Variants in OBI1 observed in about 807,000 individuals in gnomAD.
OBI1 encodes the protein ring finger protein 219.
In OBI1, 59 loss-of-function variants were observed where a neutral mutation model predicts 62.4. The observed-to-expected ratio is 0.95, with a 90% CI of 0.77 to 1.17. OBI1 has a LOEUF of 1.17. Ranked by LOEUF, OBI1 falls within the 50% of genes most tolerant of loss-of-function variation. The pLI is 0.00. For missense variants in OBI1, 875 were observed against 830.9 expected, an observed-to-expected ratio of 1.05 and a Z score of -0.65; for synonymous variants, 302 against 292.8, an observed-to-expected ratio of 1.03 and a Z score of -0.32.
At chr13:78,655,348 A>C (rs796381075) in intron 1 of OBI1, among the ~76,000 whole-genome samples, 13 of 152,308 alleles carry the variant, frequency 8.5e-5, no homozygotes, top group African/African-American at 2.4e-4. Flanking sequence ...AACAAACAAA[A>C]AAAAAACAGG....
intron 3 of OBI1, among the ~76,000 whole-genome samples, chr13:78,640,230 C>T (rs1458682568): frequency 6.6e-6 from 1 of 151,718 alleles, no homozygotes; most frequent in African/African-American, 2.4e-5. Context: ...ACCTCATCCC[C>T]ACATCTACAG....
At chr13:78,645,947 G>A (rs1020410332) in intron 1 of OBI1, among the ~76,000 whole-genome samples, 8 of 152,168 alleles carry the variant, frequency 5.3e-5, no homozygotes, top group African/African-American at 1.7e-4. Flanking sequence ...ACCGCGCCTG[G>A]CCTGTAGTCA....
chr13:78,639,179 G>A (rs1415493164), intron 3 of OBI1, 108 bp from the exon 4 acceptor site: 1 of 1,106,188 alleles, frequency 9.0e-7, no homozygotes, highest in Non-Finnish European at 1.3e-6. Flanking sequence ...AAATTCTGTA[G>A]ATACATAGAT....
chr13:78,624,296 A>C (rs142585806), intron 5 of OBI1, among the ~76,000 whole-genome samples: 10 of 152,320 alleles, frequency 6.6e-5, no homozygotes, highest in African/African-American at 2.4e-4. Context: ...TTAAAGACAA[A>C]GTTGATAAAG....
intron 5 of OBI1, among the ~76,000 whole-genome samples, chr13:78,622,849 G>A (rs993577339): frequency 2.0e-5 from 3 of 152,116 alleles, no homozygotes; most frequent in African/African-American, 4.8e-5. Context: ...GGGTGGGTGG[G>A]GCACAATTTA....
Position 78,615,904 on chromosome 13 carries a change from G to A in OBI1, c.1857C>T (p.Asp619=). The part of the protein sequence containing the change: ...PTSFFLLSPS[D]QEMNEDFSLH... ...GTGAAAAATCTTCATTCATTTCTTG[G>A]TCAGATGGAGAGAGGAGAAAAAAAG... is the stretch of plus-strand genomic sequence containing the variant. Residue 619 remains aspartate, a synonymous_variant, in exon 6 of 6, where the codon GAC becomes GAT. Transcript: ENST00000282003. 1.9e-6 allele frequency: 3 copies of A among 1,614,026 alleles called. No individual in the cohort carries two copies. Among genetic ancestry groups the A allele is most frequent in the Non-Finnish European group, 2.5e-6 (3 of 1,179,992 alleles).
At chr13:78,641,741 G>C (rs967067820) in intron 3 of OBI1, among the ~76,000 whole-genome samples, 3 of 151,586 alleles carry the variant, frequency 2.0e-5, no homozygotes, top group Non-Finnish European at 1.5e-5. Context: ...GCAGAGGTCA[G>C]ACTGGCTTTC....
chr13:78,641,958 C>T (rs937604419), intron 3 of OBI1, among the ~76,000 whole-genome samples, 164 bp downstream of exon 3: 3 of 142,090 alleles, frequency 2.1e-5, no homozygotes, highest in Non-Finnish European at 4.7e-5. Context: ...ATTTAAAATA[C>T]GAAAGGAAAA....
In OBI1 at chr13:78,644,926, A is replaced by G; in HGVS notation, c.144T>C (p.Asn48=). 6.2e-7 allele frequency: 1 copy of G among 1,613,992 alleles called. No individual in the cohort carries two copies. The change falls in exon 2 of 6, where the codon AAT becomes AAC. Residue 48 remains asparagine (N), a synonymous_variant. Transcript: ENST00000282003. ...CSICIDLWLK[N]NSQCPACRVP... is the part of the protein sequence containing the mutation. Reference sequence around the variant, plus strand: ...CTCTGCAAGCTGGACACTGGCTATTATTCTTCAACCACAAATCAATACAAA... The same window carrying G: ...CTCTGCAAGCTGGACACTGGCTATTGTTCTTCAACCACAAATCAATACAAA...
At chr13:78,640,978 T>C (rs1030563471) in intron 3 of OBI1, among the ~76,000 whole-genome samples, 3 of 128,132 alleles carry the variant, frequency 2.3e-5, no homozygotes, top group Admixed American at 2.2e-4. Flanking sequence ...CTGTGACTAT[T>C]GCAAGTATTA....
At chr13:78,643,081 T>C (rs2038880) in intron 2 of OBI1, among the ~76,000 whole-genome samples, 146,161 of 152,140 alleles carry the variant, frequency 0.96, 70,434 homozygotes, top group East Asian at 1. Flanking sequence ...CTTTGTATTT[T>C]TTAGCATTAT....
rs544102494 is a variant in OBI1 at position 78,649,617 on chromosome 13, G to A, written c.73-4620C>T. 7.2e-5 allele frequency among the ~76,000 whole-genome samples: 11 copies of A among 152,286 alleles called. No individual in the cohort carries two copies. In the South Asian group the frequency reaches 1.9e-3, roughly 26 times the overall value. On this transcript the variant is annotated intron_variant, in intron 1 of 5. Transcript: ENST00000282003. ...AAAGGAGAGAGCATAAAAATGAGAC[G>A]ACGGTTAGGAATACCAATGGGAATG...
chr13:78,639,133 T>A, intron 3 of OBI1, 62 bp from the exon 4 acceptor site: 1 of 1,496,420 alleles, frequency 6.7e-7, no homozygotes. Flanking sequence ...ATACATATGC[T>A]AAACTGAAGC....
intron 3 of OBI1, among the ~76,000 whole-genome samples, chr13:78,639,555 C>A (rs7324803): frequency 1.3e-5 from 2 of 148,916 alleles, no homozygotes; most frequent in Non-Finnish European, 3.0e-5. Flanking sequence ...ATGTTTATTG[C>A]GGCATTATTC....
At chr13:78,658,256 T>G (rs191982312) in intron 1 of OBI1, among the ~76,000 whole-genome samples, 1 of 152,314 alleles carries the variant, frequency 6.6e-6, no homozygotes, top group East Asian at 1.9e-4. Context: ...TCTTTATCTA[T>G]TCGGTAAAGA....
Position 78,616,796 on chromosome 13 carries a change from T to C in OBI1, c.965A>G (p.Asp322Gly). 1 of 1,614,200 alleles carries C rather than the reference T, an allele frequency of 6.2e-7. No homozygotes were observed. The highest frequency in any genetic ancestry group is 1.1e-5 in the South Asian group (1 of 91,084). The change falls in exon 6 of 6, where the codon GAC (aspartate) becomes GGC (glycine). Residue 322 changes from aspartate to glycine, a missense_variant. Asp to Gly is a moderately conservative substitution (Grantham distance 94, BLOSUM62 -1). Coordinates refer to ENST00000282003, the MANE Select transcript of OBI1 (RefSeq NM_024546.4). ...ACTTTCCTGCCTTGCAGAACTGGTG[T>C]CACACAGTCTGCTGCTGGAAGGCTT... ...LAKPSSSRLC[D>G]TSSARQESTS...
rs11421042 is a variant in OBI1 at position 78,654,029 on chromosome 13, GA to G, written c.72+5019del. 5.6e-3 allele frequency among the ~76,000 whole-genome samples: 746 copies of G among 133,544 alleles called. 8 individuals carry two copies. The highest frequency in any genetic ancestry group is 0.02 in the African/African-American group (697 of 35,628). 87.6% of individuals were successfully genotyped at this position (133,544 alleles called of 152,430 possible). A position where few individuals can be genotyped will look rare whatever the true frequency, so the allele number is the denominator to read the frequency against. On this transcript the variant is annotated intron_variant, in intron 1 of 5. Transcript: ENST00000282003. The stretch of plus-strand genomic sequence containing the variant: ...CAGAATTTAGGTCCTATAACTTAAG[GA>G]AAAAAAAAAAAAAAAAACCTGTGTG...
At chr13:78,618,724 G>C (rs1035857502) in intron 5 of OBI1, among the ~76,000 whole-genome samples, 2 of 151,998 alleles carry the variant, frequency 1.3e-5, no homozygotes, top group Non-Finnish European at 2.9e-5. Context: ...AAAACCACAG[G>C]TATAACAAAA....
At chr13:78,647,544 G>T (rs1566285936) in intron 1 of OBI1, among the ~76,000 whole-genome samples, 1 of 152,194 alleles carries the variant, frequency 6.6e-6, no homozygotes, top group Non-Finnish European at 1.5e-5. Context: ...TTTTCTTGCT[G>T]ACCTTCTCCC....
Sources: allele counts gnomAD v4.1 joint callset (sites outside exome capture counted in the v4.1 genomes callset), GRCh38; gene constraint gnomAD v4.1.1; transcripts MANE v1.5; gene names NCBI Gene and HGNC (gene_info 2026-07-23, HGNC 2026-07-21).